Variants in ABCC6 observed in about 807,000 individuals in gnomAD.
ABCC6 encodes the protein ATP-binding cassette sub-family C member 6.
A neutral mutation model predicts 169.5 loss-of-function variants in ABCC6; 126 were observed. The observed-to-expected ratio is 0.74, with a 90% CI of 0.64 to 0.86. The LOEUF (loss-of-function observed/expected upper bound fraction) is 0.86. Ranked by LOEUF, ABCC6 falls within the 40% of genes least tolerant of loss-of-function variation. ABCC6 has a pLI of 0.00. For synonymous variants in ABCC6, 752 were observed against 814.7 expected (o/e 0.92, Z 1.31); for missense variants, 1,733 against 1,927.2 (o/e 0.90, Z 1.89).
At chr16:16,215,821 C>T (rs2048852098) in intron 4 of ABCC6, among the ~76,000 whole-genome samples, 1 of 152,090 alleles carries the variant, frequency 6.6e-6, no homozygotes, top group Non-Finnish European at 1.5e-5. Flanking sequence ...TACAGGCATG[C>T]AATGCATAAT....
intron 30 of ABCC6, 31 bp from the exon 31 acceptor site, chr16:16,150,272 T>A: frequency 1.2e-6 from 2 of 1,612,736 alleles, no homozygotes; most frequent in Non-Finnish European, 1.7e-6. Flanking sequence ...GAGAGGCTCT[T>A]TGGACACCAG....
At chr16:16,189,077 G>A (rs962641359) in intron 12 of ABCC6, 103 bp from the exon 13 acceptor site, 46 of 1,350,232 alleles carry the variant, frequency 3.4e-5, no homozygotes, top group Admixed American at 5.2e-5. Flanking sequence ...TGGCCCACCC[G>A]CCATGTCCGC....
chr16:16,192,515 A>G lies in ABCC6; in HGVS notation c.1431+315T>C, dbSNP rs139727913. Among the ~76,000 whole-genome samples the G allele has an allele frequency of 1.5e-3, 228 of 152,230 alleles. 1 individual carries two copies. The highest frequency in any genetic ancestry group is 5.0e-3 in the African/African-American group (208 of 41,532). On this transcript the variant is annotated intron_variant, in intron 11 of 30. Coordinates refer to ENST00000205557, the MANE Select transcript of ABCC6 (RefSeq NM_001171.6). Reference sequence around the variant, plus strand: ...AGAGATCATGGGGTTCGGAGAGCCTATGCTGGGAAGTGTGACATTTTGGAT... The same window carrying G: ...AGAGATCATGGGGTTCGGAGAGCCTGTGCTGGGAAGTGTGACATTTTGGAT...
intron 14 of ABCC6, among the ~76,000 whole-genome samples, chr16:16,186,676 G>A (rs1596668819): frequency 1.3e-5 from 2 of 149,638 alleles, no homozygotes; most frequent in Non-Finnish European, 3.0e-5. Flanking sequence ...CAAGCTCAGG[G>A]CTCCCACTGG....
At chr16:16,220,923 AAC>A (rs1315248182) in intron 2 of ABCC6, among the ~76,000 whole-genome samples, 34 of 151,932 alleles carry the variant, frequency 2.2e-4, no homozygotes, top group Admixed American at 2.2e-3. Flanking sequence ...ACAAAAAAGT[AAC>A]ACAGTCATGA....
intron 10 of ABCC6, among the ~76,000 whole-genome samples, chr16:16,197,291 G>A (rs1315707057): frequency 1.3e-5 from 2 of 152,046 alleles, no homozygotes. Flanking sequence ...TTCTACAGAG[G>A]AAACTGAGGC....
At chr16:16,196,770 C>T (rs189569364) in intron 10 of ABCC6, among the ~76,000 whole-genome samples, 1 of 152,204 alleles carries the variant, frequency 6.6e-6, no homozygotes, top group African/African-American at 2.4e-5. Context: ...GGCATTATCT[C>T]AGCTCACTGC....
intron 25 of ABCC6, among the ~76,000 whole-genome samples, chr16:16,161,094 G>GACTC (rs1299930765): frequency 6.6e-6 from 1 of 152,188 alleles, no homozygotes; most frequent in Admixed American, 6.5e-5. Flanking sequence ...AAAAGAGAGA[G>GACTC]ACTCTGTCTT....
chr16:16,166,273 T>C (rs1268737751), intron 22 of ABCC6, among the ~76,000 whole-genome samples: 1 of 151,972 alleles, frequency 6.6e-6, no homozygotes, highest in Non-Finnish European at 1.5e-5. Context: ...GGTCTCGAAC[T>C]CCTGGGATCA....
rs61339757 is a variant in ABCC6, at chr16:16,152,192, CAAAAA to C, written c.4209-1425_4209-1421del. 1.3e-3 allele frequency among the ~76,000 whole-genome samples: 54 copies of C among 40,316 alleles called. No homozygotes were observed. The South Asian group carries it at 0.077, about 57-fold the overall frequency. 26.4% of individuals were successfully genotyped at this position (40,316 alleles called of 152,430 possible). ...TGGGCGACAGAGCAAGACTCTGTCT[CAAAAA>C]AAAAAAAAAAAAAAAAAAGTGTGTA... On this transcript the variant is annotated intron_variant, in intron 29 of 30. Transcript: ENST00000205557.
chr16:16,182,307 A>G, intron 17 of ABCC6, 105 bp downstream of exon 17: 1 of 1,459,516 alleles, frequency 6.9e-7, no homozygotes, highest in South Asian at 1.1e-5. Context: ...TACTTCCCTA[A>G]CCATTCCTCT....
Position 16,150,698 on chromosome 16 carries a change from G to A in ABCC6, c.4283C>T (p.Ala1428Val), listed in dbSNP as rs763908026. 6.2e-7 allele frequency: 1 copy of A among 1,613,778 alleles called. No homozygotes were observed. The highest frequency in any genetic ancestry group is 1.3e-5 in the African/African-American group (1 of 74,948). The part of the protein sequence containing the change: ...RKTQILILDE[A>V]TAAVDPGTEL... ...CGTGCCAGGGTCCACGGCAGCAGTA[G>A]CCTCGTCCAGGATGAGGATCTGGGT... The change falls in exon 30 of 31, where the codon GCT (alanine) becomes GTT (valine). Residue 1428 changes from alanine (A) to valine (V), a missense_variant. Ala to Val is a moderately conservative substitution (Grantham distance 64, BLOSUM62 0). Transcript: ENST00000205557.
intron 4 of ABCC6, among the ~76,000 whole-genome samples, chr16:16,215,133 T>C (rs2152296364): frequency 6.6e-6 from 1 of 152,332 alleles, no homozygotes; most frequent in East Asian, 1.9e-4. Context: ...GCCAGGGTTC[T>C]CTGTTTTGCA....
intron 15 of ABCC6, 24 bp from the exon 16 acceptor site, chr16:16,182,954 T>C (rs760854877): frequency 1.2e-6 from 2 of 1,614,062 alleles, no homozygotes; most frequent in Non-Finnish European, 8.5e-7. Context: ...AGGGGAGACA[T>C]GACCTTGGTT....
At chr16:16,197,698 G>A (rs1247780596) in intron 10 of ABCC6, among the ~76,000 whole-genome samples, 5 of 130,534 alleles carry the variant, frequency 3.8e-5, no homozygotes, top group East Asian at 2.6e-4. Flanking sequence ...GAGGGAGGGT[G>A]CAGGGAGGGG....
chr16:16,177,632 C>T lies in ABCC6; in HGVS notation c.2416-6G>A, dbSNP rs773390728. On this transcript the variant is annotated splice_polypyrimidine_tract_variant and splice_region_variant and intron_variant, in intron 18 of 30. Transcript: ENST00000205557. ...TGCGTCACGAGAATCCGTGTCTGGGCAGGGAAGGGGTAGAAGTTACACACA... is the reference window on the plus strand; with the variant it reads ...TGCGTCACGAGAATCCGTGTCTGGGTAGGGAAGGGGTAGAAGTTACACACA... 11 of 1,614,002 alleles carry T rather than the reference C, an allele frequency of 6.8e-6. No individual in the cohort carries two copies. The highest frequency in any genetic ancestry group is 2.2e-5 in the East Asian group (1 of 44,890).
At chr16:16,202,216 A>G in intron 8 of ABCC6, 38 bp from the exon 9 acceptor site, 1 of 1,581,420 alleles carries the variant, frequency 6.3e-7, no homozygotes, top group Non-Finnish European at 8.6e-7. Context: ...AGCTGGTGAG[A>G]GGAGGTGCCT....
intron 12 of ABCC6, among the ~76,000 whole-genome samples, chr16:16,189,670 G>A (rs569238735): frequency 1.0e-3 from 156 of 152,200 alleles, no homozygotes; most frequent in Non-Finnish European, 1.5e-3. Flanking sequence ...CACCCACCTC[G>A]GCCTCCCAAA....
intron 10 of ABCC6, among the ~76,000 whole-genome samples, chr16:16,194,315 G>A (rs1462654368): frequency 6.6e-6 from 1 of 152,252 alleles, no homozygotes; most frequent in Admixed American, 6.5e-5. Flanking sequence ...AGAATGCCCA[G>A]TTACATTTGA....
Sources: allele counts gnomAD v4.1 joint callset (sites outside exome capture counted in the v4.1 genomes callset), GRCh38; gene constraint gnomAD v4.1.1; transcripts MANE v1.5; gene names NCBI Gene and HGNC (gene_info 2026-07-23, HGNC 2026-07-21).